SORCS2: variants seen among roughly 807,000 people sequenced by gnomAD.
The protein encoded by SORCS2 is VPS10 domain-containing receptor SorCS2.
Under a neutral mutation model 141.6 loss-of-function variants are expected in SORCS2, and 100 were observed. The ratio of observed to expected loss-of-function variants is 0.71; its 90% CI spans 0.60 to 0.83. The LOEUF is 0.83. Among genes scored for constraint, SORCS2 ranks in the 40% least tolerant of loss-of-function variants. The pLI is 0.00. For missense variants in SORCS2, 1,646 were observed against 1,560.2 expected (o/e 1.05, Z -0.93); for synonymous variants, 789 against 676.9 (o/e 1.17, Z -2.57).
chr4:7,571,374 C>G (rs1715379958), intron 3 of SORCS2, among the ~76,000 whole-genome samples: 1 of 152,118 alleles, frequency 6.6e-6, no homozygotes, highest in Non-Finnish European at 1.5e-5. Context: ...GGCAAAGACT[C>G]AGAGGTGGGA....
intron 1 of SORCS2, among the ~76,000 whole-genome samples, chr4:7,373,454 A>AC (rs1327632736): frequency 0.046 from 3,937 of 86,380 alleles, 693 homozygotes; most frequent in East Asian, 0.11. Flanking sequence ...ATTGTGAGAA[A>AC]CTTTTATATA....
intron 2 of SORCS2, among the ~76,000 whole-genome samples, chr4:7,480,440 G>GCA (rs1730562375): frequency 6.6e-6 from 1 of 152,218 alleles, no homozygotes; most frequent in Admixed American, 6.5e-5. Context: ...ACAGCCCGGG[G>GCA]GGTTGGAGGA....
chr4:7,431,979 G>A (rs774821580), intron 2 of SORCS2: 1 of 152,320 alleles, frequency 6.6e-6, no homozygotes, highest in Non-Finnish European at 1.5e-5. Context: ...GCGGCTCCCA[G>A]ATGTGTGAGC....
At chr4:7,726,326 G>A (rs576427085) in intron 20 of SORCS2, among the ~76,000 whole-genome samples, 2 of 152,306 alleles carry the variant, frequency 1.3e-5, no homozygotes, top group Admixed American at 6.5e-5. Context: ...CCTCAAGTTC[G>A]TGCTGTGTTG....
At chr4:7,681,122 T>C (rs541984741) in intron 9 of SORCS2, among the ~76,000 whole-genome samples, 8 of 152,314 alleles carry the variant, frequency 5.3e-5, no homozygotes, top group African/African-American at 1.4e-4. Flanking sequence ...TGTATTTTAC[T>C]TGAAGACTGA....
intron 1 of SORCS2, among the ~76,000 whole-genome samples, chr4:7,344,225 G>T (rs987934997): frequency 3.9e-5 from 6 of 152,206 alleles, no homozygotes; most frequent in African/African-American, 1.2e-4. Context: ...GCCTGGGATG[G>T]AAGGTCTCAG....
intron 3 of SORCS2, among the ~76,000 whole-genome samples, chr4:7,601,811 C>A (rs1475604766): frequency 6.6e-6 from 1 of 151,836 alleles, no homozygotes; most frequent in Non-Finnish European, 1.5e-5. Flanking sequence ...GGCGGAGGAC[C>A]CTGCCGCCTT....
chr4:7,725,040 A>G lies in SORCS2; in HGVS notation c.2612-114A>G, dbSNP rs866085804. 1.7e-3 allele frequency: 1,702 copies of G among 1,027,984 alleles called. 15 individuals are homozygous for G. In the African/African-American group the frequency reaches 0.028, roughly 17 times the overall value. 63.7% of individuals were successfully genotyped at this position (1,027,984 alleles called of 1,614,324 possible). A position where few individuals can be genotyped will look rare whatever the true frequency, so the allele number is the denominator to read the frequency against. ...TGGTGGTGGTGGTGATGATAGTGGT[A>G]GTGGTGGTGGTGATGATAGCAATGA... On this transcript the variant is annotated intron_variant, in intron 19 of 26. Coordinates refer to ENST00000507866, the MANE Select transcript of SORCS2 (RefSeq NM_020777.3).
At chr4:7,459,095 T>C (rs1271561081) in intron 2 of SORCS2, among the ~76,000 whole-genome samples, 2 of 151,964 alleles carry the variant, frequency 1.3e-5, no homozygotes, top group Non-Finnish European at 2.9e-5. Flanking sequence ...GGCACACTCT[T>C]CTGTGTGCGC....
chr4:7,243,432 C>A (rs1409731382), intron 1 of SORCS2, among the ~76,000 whole-genome samples: 3 of 152,086 alleles, frequency 2.0e-5, no homozygotes, highest in Non-Finnish European at 2.9e-5. Flanking sequence ...CAGGCCTTGG[C>A]AGTGAGAGGA....
At chr4:7,299,549 G>C (rs766548320) in intron 1 of SORCS2, among the ~76,000 whole-genome samples, 1 of 152,230 alleles carries the variant, frequency 6.6e-6, no homozygotes, top group African/African-American at 2.4e-5. Context: ...TCTAGGAAGC[G>C]AGAGCATGTT....
intron 1 of SORCS2, among the ~76,000 whole-genome samples, chr4:7,226,394 A>C (rs563348736): frequency 2.6e-5 from 4 of 152,226 alleles, no homozygotes; most frequent in African/African-American, 9.6e-5. Context: ...GCAGGAGCTG[A>C]TGGAGCCCTG....
intron 20 of SORCS2, among the ~76,000 whole-genome samples, 162 bp from the exon 21 acceptor site, chr4:7,726,618 C>G (rs991596931): frequency 6.6e-6 from 1 of 152,160 alleles, no homozygotes; most frequent in Non-Finnish European, 1.5e-5. Flanking sequence ...CCGCCCCATG[C>G]CTCCCTGGGT....
intron 25 of SORCS2, 22 bp from the exon 26 acceptor site, chr4:7,737,047 C>G: frequency 6.5e-7 from 1 of 1,550,342 alleles, no homozygotes; most frequent in African/African-American, 1.4e-5. Context: ...CAAGCTGAGC[C>G]GCCCTTGCCT....
chr4:7,314,423 G>A (rs1341095294), intron 1 of SORCS2, among the ~76,000 whole-genome samples: 3 of 150,364 alleles, frequency 2.0e-5, no homozygotes, highest in African/African-American at 4.9e-5. Context: ...CCCTGCAAGC[G>A]TCGTCTCCTG....
chr4:7,550,639 A>G (rs997223526), intron 3 of SORCS2, among the ~76,000 whole-genome samples: 3 of 152,210 alleles, frequency 2.0e-5, no homozygotes, highest in African/African-American at 4.8e-5. Context: ...AAAGAACCCA[A>G]TGTCTGCCCA....
chr4:7,440,325 G>A (rs559224553), intron 2 of SORCS2, among the ~76,000 whole-genome samples: 75 of 152,328 alleles, frequency 4.9e-4, no homozygotes, highest in South Asian at 4.1e-3. Context: ...GTCTGCCTGC[G>A]GCTTGCTTCA....
chr4:7,724,485 G>T (rs1726927216), intron 19 of SORCS2, among the ~76,000 whole-genome samples: 1 of 147,718 alleles, frequency 6.8e-6, no homozygotes, highest in Non-Finnish European at 1.5e-5. Flanking sequence ...TGGTGGTGAT[G>T]GTGGTGGTGG....
At chr4:7,394,922 G>T (rs1724108917) in intron 1 of SORCS2, among the ~76,000 whole-genome samples, 1 of 152,188 alleles carries the variant, frequency 6.6e-6, no homozygotes, top group Non-Finnish European at 1.5e-5. Flanking sequence ...TGCCACTCTA[G>T]GCTGTACAAA....
Sources: gnomAD v4.1 joint callset for allele counts (sites outside exome capture counted in the v4.1 genomes callset) on GRCh38, gnomAD v4.1.1 for gene constraint, MANE v1.5 for transcripts, NCBI Gene and HGNC (gene_info 2026-07-23, HGNC 2026-07-21) for gene names.